The following NOTCH2 variants were observed in gnomAD, a reference collection of about 807,000 sequenced individuals.
NOTCH2 encodes neurogenic locus notch homolog protein 2.
Under a neutral mutation model 235.8 loss-of-function variants are expected in NOTCH2, and 29 were observed. The ratio of observed to expected loss-of-function variants is 0.12; its 90% CI spans 0.09 to 0.17. The LOEUF (loss-of-function observed/expected upper bound fraction) is 0.17. Ranked by LOEUF, NOTCH2 falls within the 10% of genes least tolerant of loss-of-function variation. The probability of loss-of-function intolerance (pLI) is 1.00; values close to 1 mark genes in which losing one functional copy is unlikely to be tolerated. For missense variants in NOTCH2, 2,285 were observed against 3,150.2 expected (o/e 0.73, Z 6.57); for synonymous variants, 1,086 against 1,141.5 (o/e 0.95, Z 0.98).
intron 1 of NOTCH2, among the ~76,000 whole-genome samples, chr1:120,065,448 T>C (rs1360604329): frequency 2.0e-5 from 3 of 152,160 alleles, no homozygotes; most frequent in Non-Finnish European, 4.4e-5. Flanking sequence ...GAGGATGTTA[T>C]AAGAGTTTTT....
chr1:119,960,037 T>C (rs1184032793), intron 11 of NOTCH2, among the ~76,000 whole-genome samples: 1 of 152,236 alleles, frequency 6.6e-6, no homozygotes, highest in Admixed American at 6.5e-5. Flanking sequence ...GGAAGAGCTA[T>C]AATGCTATTG....
At chr1:119,960,799 G>A (rs587775921) in intron 11 of NOTCH2, among the ~76,000 whole-genome samples, 1 of 151,890 alleles carries the variant, frequency 6.6e-6, no homozygotes, top group East Asian at 1.9e-4. Flanking sequence ...TCAGCCTCCC[G>A]ATTACAGGTG....
chr1:119,964,086 T>G (rs1651044648), intron 10 of NOTCH2, among the ~76,000 whole-genome samples: 1 of 152,244 alleles, frequency 6.6e-6, no homozygotes, highest in South Asian at 2.1e-4. Context: ...CACCTTCATT[T>G]CTTACTAGGC....
intron 4 of NOTCH2, among the ~76,000 whole-genome samples, chr1:119,989,491 A>G (rs1364192868): frequency 6.6e-6 from 1 of 152,098 alleles, no homozygotes; most frequent in Non-Finnish European, 1.5e-5. Context: ...ATCAAGTTAA[A>G]AACATTTGGG....
chr1:120,063,511 A>G (rs1385785094), intron 1 of NOTCH2, among the ~76,000 whole-genome samples: 1 of 152,164 alleles, frequency 6.6e-6, no homozygotes, highest in East Asian at 1.9e-4. Flanking sequence ...ACACAAACAG[A>G]AGTCTGAAAA....
chr1:120,065,917 A>G (rs1290697357), intron 1 of NOTCH2, among the ~76,000 whole-genome samples: 2 of 151,926 alleles, frequency 1.3e-5, no homozygotes, highest in Admixed American at 6.6e-5. Context: ...AATTTCTTAT[A>G]TCCTTATTCA....
At chr1:120,057,727 G>GA (rs1420915799) in intron 1 of NOTCH2, among the ~76,000 whole-genome samples, 1 of 54,036 alleles carries the variant, frequency 1.9e-5, no homozygotes. Context: ...ACCCTTCAAA[G>GA]AAGGTAGTTT....
At chr1:119,979,066 C>G (rs1183832480) in intron 5 of NOTCH2, among the ~76,000 whole-genome samples, 1 of 151,986 alleles carries the variant, frequency 6.6e-6, no homozygotes, top group Non-Finnish European at 1.5e-5. Flanking sequence ...TTACGTTCTA[C>G]AAAGAAATAA....
intron 2 of NOTCH2, among the ~76,000 whole-genome samples, chr1:120,029,348 T>C (rs1327226329): frequency 6.6e-6 from 1 of 151,930 alleles, no homozygotes; most frequent in Non-Finnish European, 1.5e-5. Flanking sequence ...TATTTTTTTA[T>C]ATTTTTTTTT....
chr1:119,995,797 A>G (rs1171158366), intron 4 of NOTCH2: 1 of 152,242 alleles, frequency 6.6e-6, no homozygotes, highest in African/African-American at 2.4e-5. Flanking sequence ...AATACATAGC[A>G]TGGTGCCTAG....
intron 3 of NOTCH2, 21 bp from the exon 4 acceptor site, chr1:119,997,353 C>T: frequency 6.2e-7 from 1 of 1,612,796 alleles, no homozygotes; most frequent in Non-Finnish European, 8.5e-7. Flanking sequence ...GATAACAAAA[C>T]TCAGTACTGG....
chr1:119,945,243 A>G (rs1650211486), intron 17 of NOTCH2, among the ~76,000 whole-genome samples: 1 of 152,188 alleles, frequency 6.6e-6, no homozygotes. Flanking sequence ...AAGTTTTGAA[A>G]TTTATGTATG....
chr1:120,009,830 T>G (rs372313548), intron 2 of NOTCH2, among the ~76,000 whole-genome samples: 2,247 of 149,532 alleles, frequency 0.015, 24 homozygotes, highest in Non-Finnish European at 0.02. Context: ...TCCCCATCTA[T>G]TATGGCCACC....
rs1648963988 is a variant in NOTCH2, at chr1:119,913,664, AG to A, written c.*1641del. The A allele has an allele frequency of 4.3e-6, 1 of 233,272 alleles. No individual in the cohort carries two copies. The highest frequency in any genetic ancestry group is 6.0e-5 in the East Asian group (1 of 16,572). The allele number at this position is 233,272 out of a possible 1,614,324, so 14.5% of individuals were successfully genotyped here. On this transcript the variant is annotated 3_prime_UTR_variant, in exon 34 of 34. Transcript: ENST00000256646. ...AATTGCCAAGAGCATGAATACAGAG[AG>A]TGGATTCAGGTGAGGGGCAATCAGT...
chr1:119,972,265 A>T (rs1468739900), intron 5 of NOTCH2, among the ~76,000 whole-genome samples: 1 of 152,190 alleles, frequency 6.6e-6, no homozygotes, highest in Non-Finnish European at 1.5e-5. Context: ...TTGCTGTCTT[A>T]TAGTGCTAGC....
At chr1:120,046,111 C>T (rs1654777625) in intron 1 of NOTCH2, among the ~76,000 whole-genome samples, 1 of 145,266 alleles carries the variant, frequency 6.9e-6, no homozygotes, top group Non-Finnish European at 1.5e-5. Flanking sequence ...AAGGGTCCTG[C>T]TTTACCCCCA....
chr1:119,959,616 G>T, intron 11 of NOTCH2, 114 bp from the exon 12 acceptor site: 2 of 720,536 alleles, frequency 2.8e-6, no homozygotes, highest in East Asian at 5.3e-5. Flanking sequence ...AGCCAACCCT[G>T]GACAGAATAA....
chr1:120,002,487 TGGTC>T (rs1652800565), intron 3 of NOTCH2, among the ~76,000 whole-genome samples: 25 of 151,742 alleles, frequency 1.6e-4, no homozygotes, highest in Admixed American at 1.5e-3. Context: ...GAACTACAAA[TGGTC>T]CCACCTGGAT....
At chr1:119,995,986 G>A (rs1257706397) in intron 4 of NOTCH2, 3 of 152,526 alleles carry the variant, frequency 2.0e-5, no homozygotes, top group Admixed American at 1.3e-4. Flanking sequence ...AGAGTAACTA[G>A]AACAACTTCT....
Sources: gnomAD v4.1 joint callset for allele counts (sites outside exome capture counted in the v4.1 genomes callset) on GRCh38, gnomAD v4.1.1 for gene constraint, MANE v1.5 for transcripts, NCBI Gene and HGNC (gene_info 2026-07-23, HGNC 2026-07-21) for gene names.